Variants in ANXA6 observed in about 807,000 individuals in gnomAD.
The protein encoded by ANXA6 is annexin A6, also known as 67 kDa calelectrin.
Under a neutral mutation model 95.4 loss-of-function variants are expected in ANXA6, and 71 were observed. That is an observed-to-expected ratio of 0.74 (90% confidence interval 0.61 to 0.91). The LOEUF (loss-of-function observed/expected upper bound fraction) is 0.91, where lower values mean the gene tolerates loss of function less well. Ranked by LOEUF, ANXA6 falls within the 40% of genes least tolerant of loss-of-function variation. The pLI, the probability that ANXA6 is intolerant of heterozygous loss-of-function variation, is 0.00. For missense variants in ANXA6, 830 were observed against 876.4 expected (o/e 0.95, Z 0.67); for synonymous variants, 289 against 315.9 (o/e 0.91, Z 0.90).
chr5:151,146,191 G>T (rs1052394200), intron 2 of ANXA6, among the ~76,000 whole-genome samples: 1 of 152,218 alleles, frequency 6.6e-6, no homozygotes, highest in Non-Finnish European at 1.5e-5. Context: ...CTGCACCCTA[G>T]GTCCTGGCCT....
intron 11 of ANXA6, among the ~76,000 whole-genome samples, 173 bp from the exon 12 acceptor site, chr5:151,129,702 T>TTTGC (rs1385770876): frequency 2.1e-4 from 29 of 136,832 alleles, no homozygotes; most frequent in African/African-American, 7.6e-4. Context: ...TACTGTTTTG[T>TTTGC]TTGTTTGTTT....
intron 17 of ANXA6, among the ~76,000 whole-genome samples, chr5:151,120,012 TG>T (rs1004119606): frequency 1.3e-5 from 2 of 152,132 alleles, no homozygotes; most frequent in Admixed American, 1.3e-4. Context: ...CCCAAGTAGC[TG>T]GGGCCACAGA....
chr5:151,133,210 T>G (rs773559023), intron 8 of ANXA6, 23 bp from the exon 9 acceptor site: 20 of 1,539,858 alleles, frequency 1.3e-5, no homozygotes, highest in Non-Finnish European at 1.8e-6. Flanking sequence ...AGGTGGCACT[T>G]GACTGAAAGA....
At chr5:151,157,252 T>C (rs962759616) in intron 1 of ANXA6, among the ~76,000 whole-genome samples, 1 of 152,222 alleles carries the variant, frequency 6.6e-6, no homozygotes, top group African/African-American at 2.4e-5. Context: ...TCCAACGCTC[T>C]TGCTCTCAGT....
rs762569069 is a variant in ANXA6 at position 151,129,569 on chromosome 5, G to A, written c.796-40C>T. The stretch of plus-strand genomic sequence containing the variant: ...GGTTTGGGGAACATGGACTTGAGAG[G>A]AGGCTAGAGTGCTGATAGCTCCCAG... On this transcript the variant is annotated intron_variant, in intron 11 of 25. Coordinates refer to ENST00000354546, the MANE Select transcript of ANXA6 (RefSeq NM_001155.5). 4 of 1,567,078 alleles carry A rather than the reference G, an allele frequency of 2.6e-6. No individual in the cohort carries two copies. The East Asian group carries it at 7.0e-5, about 27-fold the overall frequency.
chr5:151,114,663 C>G (rs1764946988), intron 20 of ANXA6, among the ~76,000 whole-genome samples: 1 of 129,154 alleles, frequency 7.7e-6, no homozygotes, highest in African/African-American at 2.8e-5. Flanking sequence ...TATTGATTAT[C>G]TAAAAATGAC....
intron 1 of ANXA6, among the ~76,000 whole-genome samples, chr5:151,149,922 C>A (rs936355222): frequency 2.0e-5 from 3 of 152,012 alleles, no homozygotes; most frequent in African/African-American, 4.8e-5. Flanking sequence ...AGTTTGAGAC[C>A]AGCCTGGCCA....
At chr5:151,113,786 AAG>A (rs1192852129) in intron 20 of ANXA6, among the ~76,000 whole-genome samples, 1 of 152,246 alleles carries the variant, frequency 6.6e-6, no homozygotes, top group Admixed American at 6.5e-5. Flanking sequence ...AATTCTATCT[AAG>A]AGAAATGAAA....
Position 151,139,391 on chromosome 5 carries a change from G to T in ANXA6, c.166C>A (p.Gln56Lys). The T allele has an allele frequency of 6.2e-7, 1 of 1,613,526 alleles. No homozygotes were observed. Among genetic ancestry groups the T allele is most frequent in the Non-Finnish European group, 8.5e-7 (1 of 1,179,594 alleles). Residue 56 changes from glutamine to lysine, a missense_variant, in exon 4 of 26, where the codon CAG becomes AAG. Physicochemically the swap from Gln to Lys is moderately conservative, Grantham distance 53. Coordinates refer to ENST00000354546, the MANE Select transcript of ANXA6 (RefSeq NM_001155.5). ...GACTTGTAGCTCTGGCAGACCTCCT[G>T]CCTCTGCCTGTTGCTCCGTGAGGTG... ...IITSRSNRQR[Q>K]EVCQSYKSLY...
At chr5:151,144,390 T>C (rs1426641893) in intron 2 of ANXA6, among the ~76,000 whole-genome samples, 1 of 152,154 alleles carries the variant, frequency 6.6e-6, no homozygotes, top group Non-Finnish European at 1.5e-5. Flanking sequence ...ATCTAGAAAC[T>C]ATTTTAACTT....
At chr5:151,119,443 G>C in intron 17 of ANXA6, 53 bp from the exon 18 acceptor site, 9 of 1,523,410 alleles carry the variant, frequency 5.9e-6, no homozygotes, top group Non-Finnish European at 8.2e-6. Context: ...CTCCTGTGCA[G>C]AGGTCCATGG....
At chr5:151,137,402 G>C (rs1165918581) in intron 5 of ANXA6, 81 bp from the exon 6 acceptor site, 2 of 1,128,466 alleles carry the variant, frequency 1.8e-6, no homozygotes, top group African/African-American at 3.1e-5. Context: ...GGAGTGGCCA[G>C]AGCTATGACA....
rs1764800875 is a variant in ANXA6, at chr5:151,109,866, G to A, written c.1591-20C>T. 6.4e-6 allele frequency: 10 copies of A among 1,551,646 alleles called. No homozygotes were observed. The highest frequency in any genetic ancestry group is 3.6e-5 in the Admixed American group (2 of 55,626). ...TATTTCCTGCAGAGCCCCAGTTGGA[G>A]CAAGGATTTGGGAGGGGAGACATGA... is the stretch of plus-strand genomic sequence containing the variant. On this transcript the variant is annotated intron_variant, in intron 21 of 25. Coordinates refer to ENST00000354546, the MANE Select transcript of ANXA6 (RefSeq NM_001155.5).
rs139878958 is a variant in ANXA6, at chr5:151,130,912, C to T, written c.795+319G>A. Among the ~76,000 whole-genome samples, 4 of 152,380 alleles carry T rather than the reference C, an allele frequency of 2.6e-5. No homozygotes were observed. The East Asian group carries it at 7.7e-4, about 29-fold the overall frequency. ...GGCAAGGCCAAAGTGGTCTTGCCTACATACGCTGTATAAAAACATTCTGGT... is the reference window on the plus strand; with the variant it reads ...GGCAAGGCCAAAGTGGTCTTGCCTATATACGCTGTATAAAAACATTCTGGT... On this transcript the variant is annotated intron_variant, in intron 11 of 25. Transcript: ENST00000354546.
intron 7 of ANXA6, among the ~76,000 whole-genome samples, chr5:151,135,530 T>C (rs543487158): frequency 6.6e-6 from 1 of 152,184 alleles, no homozygotes; most frequent in Non-Finnish European, 1.5e-5. Context: ...TCATAACCAT[T>C]TGGTCCTTGG....
rs1257112392 is a variant in ANXA6 at position 151,136,295 on chromosome 5, G to C, written c.450C>G (p.Thr150=). ...CAAGCATCTTCTGGAAGTGGCCAGAGGTGTCGCCGATGATGTCAGCCTCCA... is the reference window on the plus strand; with the variant it reads ...CAAGCATCTTCTGGAAGTGGCCAGACGTGTCGCCGATGATGTCAGCCTCCA... ...RDLEADIIGD[T]SGHFQKMLVV... Residue 150 remains threonine (T), a synonymous_variant, in exon 7 of 26, where the codon ACC becomes ACG. Transcript: ENST00000354546. 1.2e-6 allele frequency: 2 copies of C among 1,613,842 alleles called. No individual in the cohort carries two copies. The highest frequency in any genetic ancestry group is 2.7e-5 in the African/African-American group (2 of 74,906).
chr5:151,153,978 G>A (rs986223483), intron 1 of ANXA6, among the ~76,000 whole-genome samples: 3 of 152,112 alleles, frequency 2.0e-5, no homozygotes, highest in East Asian at 1.9e-4. Context: ...TGGATGGTTG[G>A]GGGTAAAATG....
At chr5:151,102,472 G>C (rs71586198) in intron 25 of ANXA6, among the ~76,000 whole-genome samples, 3,959 of 152,304 alleles carry the variant, frequency 0.026, 68 homozygotes, top group South Asian at 0.067. Context: ...GGGAGGCCAA[G>C]GCAGGTGGAT....
chr5:151,117,923 GC>G, intron 18 of ANXA6, 86 bp from the exon 19 acceptor site: 1 of 1,145,452 alleles, frequency 8.7e-7, no homozygotes, highest in Non-Finnish European at 1.3e-6. Context: ...TCAGGCTTGA[GC>G]CAGGGCAGTA....
Sources: allele counts gnomAD v4.1 joint callset (sites outside exome capture counted in the v4.1 genomes callset), GRCh38; gene constraint gnomAD v4.1.1; transcripts MANE v1.5; gene names NCBI Gene and HGNC (gene_info 2026-07-23, HGNC 2026-07-21).